Variants in ZNF823 observed in about 807,000 individuals in gnomAD.
ZNF823 encodes the protein ZFP 36 for a zinc finger protein.
Under a neutral mutation model 11.4 loss-of-function variants are expected in ZNF823, and 5 were observed. The observed-to-expected ratio is 0.44, with a 90% CI of 0.23 to 0.92. The LOEUF (loss-of-function observed/expected upper bound fraction) is 0.92. Ranked by LOEUF, ZNF823 falls within the 40% of genes least tolerant of loss-of-function variation. The pLI is 0.24. For missense variants in ZNF823, 582 were observed against 738.5 expected (o/e 0.79, Z 2.46); for synonymous variants, 234 against 250.5 (o/e 0.93, Z 0.62).
chr19:11,721,872 G>C lies in ZNF823; in HGVS notation c.1662C>G (p.Pro554=). The change falls in exon 4 of 4, where the codon CCC becomes CCG. Residue 554 remains proline, a synonymous_variant. Coordinates refer to ENST00000341191, the MANE Select transcript of ZNF823 (RefSeq NM_001080493.4). ...RHERIHTGEK[P]YECLQCGKAF... ...CTTTACCACATTGTAGACATTCATA[G>C]GGTTTCTCTCCAGTGTGAATTCTTT... The C allele has an allele frequency of 1.2e-6, 2 of 1,613,766 alleles. No homozygotes were observed. Among genetic ancestry groups the C allele is most frequent in the Non-Finnish European group, 1.7e-6 (2 of 1,179,954 alleles).
chr19:11,732,976 T>C (rs1036200595), intron 1 of ZNF823, among the ~76,000 whole-genome samples: 2 of 152,146 alleles, frequency 1.3e-5, no homozygotes, highest in Non-Finnish European at 2.9e-5. Context: ...CTCATTAGCA[T>C]AACTTCACCT....
chr19:11,737,341 G>A (rs1374345824), intron 1 of ZNF823, among the ~76,000 whole-genome samples: 2 of 151,878 alleles, frequency 1.3e-5, no homozygotes, highest in African/African-American at 2.4e-5. Context: ...TTGGCTCACC[G>A]CAACCTCCGC....
intron 1 of ZNF823, among the ~76,000 whole-genome samples, chr19:11,729,229 C>T (rs1974851088): frequency 6.6e-6 from 1 of 150,990 alleles, no homozygotes; most frequent in South Asian, 2.1e-4. Context: ...ACATGAAAAC[C>T]ATTTTAAACT....
chr19:11,732,961 G>A (rs1467304619), intron 1 of ZNF823, among the ~76,000 whole-genome samples: 1 of 152,148 alleles, frequency 6.6e-6, no homozygotes, highest in African/African-American at 2.4e-5. Flanking sequence ...CTCATGCTGA[G>A]TCACCTCATT....
chr19:11,738,072 T>C (rs1256753276), intron 1 of ZNF823, among the ~76,000 whole-genome samples: 1 of 152,138 alleles, frequency 6.6e-6, no homozygotes, highest in Non-Finnish European at 1.5e-5. Context: ...GGAGGCGAGA[T>C]TGCAGTTAGA....
chr19:11,738,541 G>C (rs978214968), intron 1 of ZNF823, among the ~76,000 whole-genome samples: 6 of 152,242 alleles, frequency 3.9e-5, no homozygotes, highest in African/African-American at 1.4e-4. Flanking sequence ...ACAATCTGGG[G>C]AGACGCGGAG....
chr19:11,730,925 C>T (rs1367329766), intron 1 of ZNF823: 2 of 150,446 alleles, frequency 1.3e-5, no homozygotes, highest in Non-Finnish European at 2.9e-5. Context: ...TCCTATGAGC[C>T]GTGGAATATG....
intron 1 of ZNF823, among the ~76,000 whole-genome samples, chr19:11,732,365 C>T (rs1974914401): frequency 6.6e-6 from 1 of 152,078 alleles, no homozygotes; most frequent in East Asian, 1.9e-4. Context: ...CGGGGTTTCA[C>T]CGTGTTAGCC....
At position 11,723,335 on chromosome 19, in the gene ZNF823, T is replaced by A. The variant is rs987197953; in HGVS notation, c.199A>T (p.Thr67Ser). 6.2e-7 allele frequency: 1 copy of A among 1,603,020 alleles called. No individual in the cohort carries two copies. The highest frequency in any genetic ancestry group is 1.3e-5 in the African/African-American group (1 of 74,618). Residue 67 changes from threonine (T) to serine (S), a missense_variant, in exon 4 of 4, where the codon ACA (threonine) becomes TCA (serine). Physicochemically the swap from Thr to Ser is moderately conservative, Grantham distance 58. This residue lies in a region of ZNF823 where 429 missense variants were observed against 553.7 expected (regional missense o/e 0.77). Transcript: ENST00000341191. ...TGACTGTCATCTTTAATTTCACATG[T>A]ATGACTTCTGTAACAAATAAGAAAT... is the stretch of plus-strand genomic sequence containing the variant. ...QNAKRNLRSH[T>S]CEIKDDSQCG...
intron 1 of ZNF823, among the ~76,000 whole-genome samples, chr19:11,732,851 T>C (rs977276260): frequency 6.6e-6 from 1 of 152,184 alleles, no homozygotes; most frequent in Admixed American, 6.5e-5. Flanking sequence ...TCCCTCCCTT[T>C]CCTGGGGTCA....
chr19:11,733,384 A>G (rs1974938662), intron 1 of ZNF823, among the ~76,000 whole-genome samples: 1 of 148,102 alleles, frequency 6.8e-6, no homozygotes, highest in Non-Finnish European at 1.5e-5. Context: ...AAAAAAAAAG[A>G]AAAAGAAAAA....
intron 1 of ZNF823, among the ~76,000 whole-genome samples, chr19:11,728,614 T>C (rs1328995294): frequency 2.6e-5 from 4 of 152,146 alleles, no homozygotes; most frequent in African/African-American, 9.7e-5. Context: ...TTATAAATGG[T>C]ATACTACAAA....
At position 11,722,103 on chromosome 19, in the gene ZNF823, C is replaced by G; in HGVS notation, c.1431G>C (p.Gly477=). ...GGTATTTGAAACAACTGAATGCTTT[C>G]CCACATTCCTTACACTCATATGGCT... The part of the protein sequence containing the change: ...GEKPYECKEC[G]KAFSCFKYLS... The change falls in exon 4 of 4, where the codon GGG becomes GGC. Residue 477 remains glycine, a synonymous_variant. Transcript: ENST00000341191. The surrounding 1 kb of genome is among the most constrained non-coding windows in gnomAD (Gnocchi z 5.2). The G allele has an allele frequency of 1.2e-6, 2 of 1,612,908 alleles. No individual in the cohort carries two copies. The highest frequency in any genetic ancestry group is 1.7e-6 in the Non-Finnish European group (2 of 1,179,726).
intron 1 of ZNF823, among the ~76,000 whole-genome samples, chr19:11,731,404 T>C (rs1420150122): frequency 6.6e-6 from 1 of 152,168 alleles, no homozygotes; most frequent in Non-Finnish European, 1.5e-5. Context: ...GAGAAAACTA[T>C]GCATCTGGAT....
intron 3 of ZNF823, 129 bp from the exon 4 acceptor site, chr19:11,723,471 G>T: frequency 1.3e-6 from 1 of 794,966 alleles, no homozygotes; most frequent in Non-Finnish European, 1.9e-6. Flanking sequence ...TGAATGTGAA[G>T]TGACAGTGCT....
At chr19:11,732,763 C>A (rs1438777384) in intron 1 of ZNF823, among the ~76,000 whole-genome samples, 1 of 152,220 alleles carries the variant, frequency 6.6e-6, no homozygotes, top group African/African-American at 2.4e-5. Flanking sequence ...ACCTTCCTAG[C>A]GCATCCACGT....
intron 3 of ZNF823, 147 bp downstream of exon 3, chr19:11,724,047 G>A (rs943622226): frequency 3.2e-5 from 20 of 627,786 alleles, no homozygotes; most frequent in African/African-American, 2.1e-4. Context: ...TTACATGTGC[G>A]AGTCACTGTG....
chr19:11,732,169 C>CTTTTT (rs1170787951), intron 1 of ZNF823, among the ~76,000 whole-genome samples: 10 of 135,576 alleles, frequency 7.4e-5, no homozygotes, highest in Admixed American at 1.5e-4. Flanking sequence ...AAAGGTTTCC[C>CTTTTT]TTTTTTTTTT....
chr19:11,733,329 T>A (rs1400965300), intron 1 of ZNF823, among the ~76,000 whole-genome samples: 1 of 141,062 alleles, frequency 7.1e-6, no homozygotes. Flanking sequence ...ATTTCGCCAC[T>A]GCACTCCAGC....
Sources: gnomAD v4.1 joint callset for allele counts (sites outside exome capture counted in the v4.1 genomes callset) on GRCh38, gnomAD v4.1.1 for gene constraint, gnomAD v4.1.1 regional missense constraint, Gnocchi (gnomAD v3.1) non-coding constraint, MANE v1.5 for transcripts, NCBI Gene and HGNC (gene_info 2026-07-23, HGNC 2026-07-21) for gene names.